The following CSF2RA variants were observed in gnomAD, a reference collection of about 807,000 sequenced individuals.
CSF2RA encodes the protein granulocyte-macrophage colony-stimulating factor receptor subunit alpha.
A neutral mutation model predicts 51.6 loss-of-function variants in CSF2RA; 42 were observed. That is an observed-to-expected ratio of 0.81 (90% CI 0.64 to 1.05). The LOEUF is 1.05. Among genes scored for constraint, CSF2RA ranks in the 50% least tolerant of loss-of-function variants. CSF2RA has a pLI of 0.00. For synonymous variants in CSF2RA, 222 were observed against 193.0 expected, an observed-to-expected ratio of 1.15 and a Z score of -1.24; for missense variants, 530 against 501.1, an observed-to-expected ratio of 1.06 and a Z score of -0.55.
chrX:1,308,806 C>G (rs1393657726), intron 12 of CSF2RA, among the ~76,000 whole-genome samples: 1 of 152,164 alleles, frequency 6.6e-6, no homozygotes, highest in Non-Finnish European at 1.5e-5. Flanking sequence ...TGAGCTCCAT[C>G]AGCTCCAGGG....
At chrX:1,324,467 GGCAA>G in the CSF2RA span, among the ~76,000 whole-genome samples, 108 of 130,332 alleles carry the variant, frequency 8.3e-4, no homozygotes, top group African/African-American at 2.4e-3. Flanking sequence ...AAAGAGAAAG[GGCAA>G]GCAAGCAAGC....
chrX:1,291,960 G>T (rs1441520842), intron 7 of CSF2RA, among the ~76,000 whole-genome samples: 1 of 133,614 alleles, frequency 7.5e-6, no homozygotes, highest in African/African-American at 2.5e-5. Flanking sequence ...GACAGAAGGA[G>T]ACCCTGCACC....
the CSF2RA span, among the ~76,000 whole-genome samples, chrX:1,324,042 G>A: frequency 6.6e-6 from 1 of 151,806 alleles, no homozygotes; most frequent in Admixed American, 6.6e-5. Flanking sequence ...AAATTTAGCT[G>A]GACATGGTAG....
intron 6 of CSF2RA, among the ~76,000 whole-genome samples, chrX:1,289,646 GT>G (rs1285641955): frequency 6.9e-6 from 1 of 145,564 alleles, no homozygotes; most frequent in Middle Eastern, 3.8e-3. Context: ...TTTTGTGTTT[GT>G]TTTTGTTTTG....
chrX:1,314,880 TGCCCAACCACA>T (rs2084472372), downstream of CSF2RA, among the ~76,000 whole-genome samples: 2 of 68,068 alleles, frequency 2.9e-5, no homozygotes, highest in Admixed American at 3.0e-4. Context: ...GCACTGCACC[TGCCCAACCACA>T]CTGAACCTGC....
chrX:1,322,271 AT>A, the CSF2RA span, among the ~76,000 whole-genome samples: 77,140 of 138,290 alleles, frequency 0.56, 21,263 homozygotes, highest in East Asian at 0.67. Flanking sequence ...TCACCCGGCT[AT>A]TTTTTTTTTT....
intron 1 of CSF2RA, among the ~76,000 whole-genome samples, chrX:1,274,330 G>A (rs1163772458): frequency 1.3e-5 from 2 of 151,476 alleles, no homozygotes. Flanking sequence ...TGGCGGGGAG[G>A]GAGCTGGGGA....
Position 1,303,955 on chromosome X carries a change from A to T in CSF2RA, c.979A>T (p.Ile327Phe). The change falls in exon 11 of 13, where the codon ATT becomes TTT. Residue 327 changes from isoleucine (I) to phenylalanine (F), a missense_variant. Ile to Phe is a conservative substitution (Grantham distance 21, BLOSUM62 0). Transcript: ENST00000381529. Reference protein sequence around the residue: ...SDDGNLGSVYIYVLLIVGTLV... With the variant: ...SDDGNLGSVYFYVLLIVGTLV... ...CGACGGGAACCTCGGCTCTGTGTACATTTATGTGCTCCTAATCGTGGGAAC... is the reference window on the plus strand; with the variant it reads ...CGACGGGAACCTCGGCTCTGTGTACTTTTATGTGCTCCTAATCGTGGGAAC... 1 of 1,613,330 alleles carries T rather than the reference A, an allele frequency of 6.2e-7. No homozygotes were observed. The highest frequency in any genetic ancestry group is 2.2e-5 in the East Asian group (1 of 44,784).
chrX:1,314,346 C>CCTGCCCAACCCCACTGCAT, downstream of CSF2RA, among the ~76,000 whole-genome samples: 1 of 136,442 alleles, frequency 7.3e-6, no homozygotes, highest in South Asian at 2.3e-4. Context: ...CCCCACTGCG[C>CCTGCCCAACCCCACTGCAT]CTGCCCAACC....
downstream of CSF2RA, among the ~76,000 whole-genome samples, chrX:1,314,356 C>T (rs1273588055): frequency 1.8e-3 from 259 of 142,872 alleles, 4 homozygotes; most frequent in Admixed American, 3.3e-3. Context: ...CCTGCCCAAC[C>T]CCACTGCATC....
At chrX:1,293,734 A>G (rs1486161404) in intron 7 of CSF2RA, among the ~76,000 whole-genome samples, 2 of 150,148 alleles carry the variant, frequency 1.3e-5, no homozygotes, top group East Asian at 2.0e-4. Context: ...GTAGACAAAG[A>G]GGTGTCCCTA....
intron 2 of CSF2RA, among the ~76,000 whole-genome samples, chrX:1,275,627 C>T (rs112306874): frequency 0.13 from 19,185 of 151,624 alleles, 1,572 homozygotes; most frequent in East Asian, 0.32. Context: ...GGCGCGATCT[C>T]GGCTCACTGC....
At chrX:1,311,258 A>C (rs751866797), downstream of CSF2RA, among the ~76,000 whole-genome samples, 2 of 151,474 alleles carry the variant, frequency 1.3e-5, no homozygotes, top group African/African-American at 4.8e-5. Context: ...CCAAAAAAAA[A>C]AAAGGTAAAA....
At chrX:1,303,595 C>T (rs749335374) in intron 10 of CSF2RA, among the ~76,000 whole-genome samples, 3 of 152,132 alleles carry the variant, frequency 2.0e-5, no homozygotes, top group South Asian at 2.1e-4. Flanking sequence ...AGGCTGGTCT[C>T]GAACTCCCAA....
chrX:1,303,792 GT>G (rs1179716031), intron 10 of CSF2RA, 130 bp from the exon 11 acceptor site: 2 of 850,820 alleles, frequency 2.4e-6, no homozygotes, highest in East Asian at 2.4e-5. Flanking sequence ...AGGGAGGCAG[GT>G]TTGCTGGGCC....
downstream of CSF2RA, among the ~76,000 whole-genome samples, chrX:1,314,950 T>C (rs753313637): frequency 8.9e-6 from 1 of 112,878 alleles, no homozygotes. Flanking sequence ...CCAACCCCTC[T>C]GTGCCTGCCC....
the CSF2RA span, among the ~76,000 whole-genome samples, chrX:1,320,395 G>C: frequency 6.6e-6 from 1 of 152,026 alleles, no homozygotes; most frequent in Non-Finnish European, 1.5e-5. Flanking sequence ...TCATTTTTCA[G>C]AGGTTTTTGC....
At chrX:1,295,298 C>T in intron 8 of CSF2RA, 129 bp from the exon 9 acceptor site, 2 of 1,172,856 alleles carry the variant, frequency 1.7e-6, no homozygotes, top group East Asian at 2.3e-5. Context: ...TGGAGGGAGA[C>T]CTGCCTGCCA....
intron 9 of CSF2RA, 87 bp from the exon 10 acceptor site, chrX:1,300,404 A>G: frequency 6.7e-7 from 1 of 1,495,620 alleles, no homozygotes. Context: ...AAGGAGAAAA[A>G]AACTTAAAAG....
Sources: gnomAD v4.1 joint callset for allele counts (sites outside exome capture counted in the v4.1 genomes callset) on GRCh38, gnomAD v4.1.1 for gene constraint, MANE v1.5 for transcripts, NCBI Gene and HGNC (gene_info 2026-07-23, HGNC 2026-07-21) for gene names.